Variants in ITPK1 observed in about 807,000 individuals in gnomAD.
ITPK1 encodes the protein inositol-tetrakisphosphate 1-kinase.
A neutral mutation model predicts 45.3 loss-of-function variants in ITPK1; 21 were observed. The observed-to-expected ratio is 0.46, with a 90% CI of 0.33 to 0.67. ITPK1 has a LOEUF of 0.67. ITPK1 is among the 30% of genes least tolerant of loss of function. The pLI is 0.02. For missense variants in ITPK1, 474 were observed against 573.5 expected (o/e 0.83, Z 1.77); for synonymous variants, 258 against 253.6 (o/e 1.02, Z -0.16).
intron 3 of ITPK1, among the ~76,000 whole-genome samples, chr14:93,060,386 T>C (rs1890467368): frequency 6.6e-6 from 1 of 151,986 alleles, no homozygotes; most frequent in South Asian, 2.1e-4. Flanking sequence ...TCACCACACA[T>C]ACAGGGTCAG....
intron 2 of ITPK1, among the ~76,000 whole-genome samples, chr14:93,100,480 T>C (rs999258170): frequency 6.1e-5 from 9 of 146,996 alleles, no homozygotes; most frequent in African/African-American, 2.0e-4. Context: ...GGCCTGAGAA[T>C]GAAGCCAATG....
intron 2 of ITPK1, among the ~76,000 whole-genome samples, chr14:93,093,613 T>A (rs911102134): frequency 6.6e-6 from 1 of 152,156 alleles, no homozygotes; most frequent in African/African-American, 2.4e-5. Context: ...ACACAGATTC[T>A]GAGTCCGTGG....
At position 93,016,811 on chromosome 14, in the gene ITPK1, A is replaced by C; in HGVS notation, c.121-10T>G. On this transcript the variant is annotated splice_polypyrimidine_tract_variant and intron_variant, in intron 3 of 10. Transcript: ENST00000267615. The surrounding 1 kb of genome is among the most constrained non-coding windows in gnomAD (Gnocchi z 5.0). ...GCCGGCTAAGGTTCAGCTGTGAGGCAGGGAACACAGACAAAAGCAACAACT... is the reference window on the plus strand; with the variant it reads ...GCCGGCTAAGGTTCAGCTGTGAGGCCGGGAACACAGACAAAAGCAACAACT... 1 of 1,613,620 alleles carries C rather than the reference A, an allele frequency of 6.2e-7. No individual in the cohort carries two copies. Among genetic ancestry groups the C allele is most frequent in the Non-Finnish European group, 8.5e-7 (1 of 1,179,706 alleles).
At chr14:93,015,691 C>T (rs1450243382) in intron 4 of ITPK1, among the ~76,000 whole-genome samples, 2 of 152,212 alleles carry the variant, frequency 1.3e-5, no homozygotes, top group Non-Finnish European at 2.9e-5. Flanking sequence ...CCTCTGTGTC[C>T]GGGGCCACTT....
At chr14:93,091,124 G>A (rs539240104) in intron 2 of ITPK1, among the ~76,000 whole-genome samples, 2 of 152,308 alleles carry the variant, frequency 1.3e-5, no homozygotes, top group East Asian at 3.9e-4. Flanking sequence ...GGGAAAAAGA[G>A]AATCCCCAAT....
chr14:93,051,158 A>T (rs1889989451), intron 3 of ITPK1, among the ~76,000 whole-genome samples: 1 of 152,192 alleles, frequency 6.6e-6, no homozygotes, highest in African/African-American at 2.4e-5. Flanking sequence ...CGCACCTGGC[A>T]GGCCCACAGC....
At chr14:93,099,889 CTG>C (rs762836926) in intron 2 of ITPK1, among the ~76,000 whole-genome samples, 1 of 152,224 alleles carries the variant, frequency 6.6e-6, no homozygotes, top group Non-Finnish European at 1.5e-5. Flanking sequence ...GCCCTGGACT[CTG>C]TGTGCGAACC....
At chr14:92,944,947 C>T (rs531279428) in intron 10 of ITPK1, among the ~76,000 whole-genome samples, 1 of 152,332 alleles carries the variant, frequency 6.6e-6, no homozygotes, top group South Asian at 2.1e-4. Context: ...CTCAGTTCAC[C>T]ACACGCAGCT....
chr14:93,090,755 C>A (rs957576325), intron 2 of ITPK1, among the ~76,000 whole-genome samples: 1 of 152,086 alleles, frequency 6.6e-6, no homozygotes. Flanking sequence ...TTACCTGGGC[C>A]AAGAAATGTA....
At chr14:92,952,195 C>T (rs1175413564) in intron 8 of ITPK1, among the ~76,000 whole-genome samples, 182 bp from the exon 9 acceptor site, 2 of 152,236 alleles carry the variant, frequency 1.3e-5, no homozygotes, top group Admixed American at 6.5e-5. Flanking sequence ...CCCATCAGGG[C>T]TCCGGTTCAC....
intron 3 of ITPK1, chr14:93,066,351 A>C (rs1479668383): frequency 2.3e-6 from 1 of 430,076 alleles, no homozygotes; most frequent in Non-Finnish European, 4.7e-6. Context: ...TAGGGGGCAG[A>C]GGCGTCTGCT....
chr14:93,011,209 T>C (rs1302437803), intron 4 of ITPK1, among the ~76,000 whole-genome samples: 1 of 152,214 alleles, frequency 6.6e-6, no homozygotes, highest in East Asian at 1.9e-4. Flanking sequence ...CCCTCTGCCA[T>C]GACGGCTGTC....
In ITPK1 at chr14:92,938,322, G is replaced by C. The variant is rs1887207583; in HGVS notation, c.*3239C>G. On this transcript the variant is annotated 3_prime_UTR_variant, in exon 11 of 11. Transcript: ENST00000267615. ...CCAGGGACATTAGTGAAGCCATTCA[G>C]CAGTTGTGGCCAGTGGCCAATGTGA... 3.0e-6 allele frequency: 2 copies of C among 661,730 alleles called. No individual in the cohort carries two copies. The highest frequency in any genetic ancestry group is 5.5e-6 in the Non-Finnish European group (2 of 361,598). The allele number at this position is 661,730 out of a possible 1,614,324, so 41.0% of individuals were successfully genotyped here.
chr14:92,999,195 A>G (rs1283809368), intron 4 of ITPK1, among the ~76,000 whole-genome samples: 2 of 152,112 alleles, frequency 1.3e-5, no homozygotes, highest in African/African-American at 4.8e-5. Context: ...GCCCGGACTG[A>G]CCCCTAAGCC....
chr14:92,945,479 G>C (rs541273517), intron 10 of ITPK1, among the ~76,000 whole-genome samples: 13 of 152,352 alleles, frequency 8.5e-5, no homozygotes, highest in Non-Finnish European at 1.6e-4. Flanking sequence ...AGCTAGCAAG[G>C]CTGGCTTCAC....
At chr14:93,099,447 C>T (rs554937206) in intron 2 of ITPK1, among the ~76,000 whole-genome samples, 8 of 152,276 alleles carry the variant, frequency 5.3e-5, no homozygotes, top group African/African-American at 1.9e-4. Flanking sequence ...ACAGCGACAG[C>T]GACAGTGGGG....
At chr14:93,038,301 C>G (rs1889404953) in intron 3 of ITPK1, among the ~76,000 whole-genome samples, 2 of 150,792 alleles carry the variant, frequency 1.3e-5, no homozygotes. Flanking sequence ...TCCCAAAGTA[C>G]TGGGATTATA....
chr14:93,107,679 C>G (rs1052729610), intron 2 of ITPK1, among the ~76,000 whole-genome samples: 1 of 152,152 alleles, frequency 6.6e-6, no homozygotes, highest in East Asian at 1.9e-4. Flanking sequence ...GTCTGGAGCT[C>G]CCTTGTGAGA....
intron 4 of ITPK1, among the ~76,000 whole-genome samples, chr14:93,010,329 A>G (rs1300620376): frequency 6.6e-6 from 1 of 152,252 alleles, no homozygotes; most frequent in Non-Finnish European, 1.5e-5. Flanking sequence ...CGACTGCTCA[A>G]TAAACATCAG....
Sources: gnomAD v4.1 joint callset for allele counts (sites outside exome capture counted in the v4.1 genomes callset) on GRCh38, gnomAD v4.1.1 for gene constraint, Gnocchi (gnomAD v3.1) non-coding constraint, MANE v1.5 for transcripts, NCBI Gene and HGNC (gene_info 2026-07-23, HGNC 2026-07-21) for gene names.